NDST4: variants seen among roughly 807,000 people sequenced by gnomAD.
NDST4 encodes N-deacetylase and N-sulfotransferase 4, also known as N-heparan sulfate sulfotransferase 4.
In NDST4, 63 loss-of-function variants were observed where a neutral mutation model predicts 100.8. The ratio of observed to expected loss-of-function variants is 0.62; its 90% confidence interval spans 0.51 to 0.77. The LOEUF is 0.77. Ranked by LOEUF, NDST4 falls within the 30% of genes least tolerant of loss-of-function variation. NDST4 has a pLI of 0.00. For synonymous variants in NDST4, 377 were observed against 361.8 expected (o/e 1.04, Z -0.48); for missense variants, 943 against 1,018.4 (o/e 0.93, Z 1.01).
chr4:114,924,665 A>G (rs959217605), intron 6 of NDST4, among the ~76,000 whole-genome samples: 8 of 152,104 alleles, frequency 5.3e-5, no homozygotes, highest in African/African-American at 1.9e-4. Context: ...GTTAATTTCT[A>G]TAAAAATAAA....
At chr4:115,108,984 CAA>C (rs760810881) in intron 1 of NDST4, among the ~76,000 whole-genome samples, 3 of 132,222 alleles carry the variant, frequency 2.3e-5, no homozygotes, top group African/African-American at 8.5e-5. Context: ...GGAAAAAAGA[CAA>C]GAGGAAGGTA....
intron 2 of NDST4, among the ~76,000 whole-genome samples, chr4:115,044,668 C>T (rs1728427253): frequency 7.0e-6 from 1 of 142,780 alleles, no homozygotes; most frequent in Non-Finnish European, 1.5e-5. Context: ...TGTTAGGAAA[C>T]AAGACACCAT....
intron 4 of NDST4, among the ~76,000 whole-genome samples, chr4:114,943,840 G>C (rs989759180): frequency 6.6e-6 from 1 of 152,034 alleles, no homozygotes; most frequent in Non-Finnish European, 1.5e-5. Flanking sequence ...AAATAGTTGG[G>C]GGGAATAGAT....
chr4:114,993,330 T>C (rs908078519), intron 2 of NDST4, among the ~76,000 whole-genome samples: 2 of 151,916 alleles, frequency 1.3e-5, no homozygotes, highest in South Asian at 4.1e-4. Context: ...TTTCTTCATG[T>C]ATCTGTAAGA....
intron 6 of NDST4, among the ~76,000 whole-genome samples, chr4:114,933,456 T>TTTTTTTTTTTTTTTTTTTTA (rs1337610741): frequency 7.5e-6 from 1 of 133,332 alleles, no homozygotes; most frequent in Non-Finnish European, 1.6e-5. Context: ...TTTTTTTTTG[T>TTTTTTTTTTTTTTTTTTTTA]GTGTAAAAAC....
At chr4:114,889,849 C>A (rs1724556995) in intron 6 of NDST4, among the ~76,000 whole-genome samples, 1 of 152,042 alleles carries the variant, frequency 6.6e-6, no homozygotes, top group African/African-American at 2.4e-5. Context: ...TCAGAGACTC[C>A]ATCTGTAAAC....
chr4:114,867,665 C>CAAAAAAAAAAAAAAAAAAACAA, intron 7 of NDST4, among the ~76,000 whole-genome samples: 2 of 79,900 alleles, frequency 2.5e-5, no homozygotes, highest in African/African-American at 9.8e-5. Flanking sequence ...AAAAAAAAAG[C>CAAAAAAAAAAAAAAAAAAACAA]AAAAAAAAAA....
chr4:114,905,888 A>T (rs559966093), intron 6 of NDST4, among the ~76,000 whole-genome samples: 1 of 151,758 alleles, frequency 6.6e-6, no homozygotes, highest in South Asian at 2.1e-4. Flanking sequence ...AGGTAACTGA[A>T]TTTTTTTTGC....
At chr4:115,091,587 A>T (rs900073185) in intron 1 of NDST4, among the ~76,000 whole-genome samples, 11 of 152,132 alleles carry the variant, frequency 7.2e-5, no homozygotes, top group African/African-American at 2.7e-4. Context: ...CTTTCTGGAT[A>T]CCAACTTCTA....
intron 4 of NDST4, among the ~76,000 whole-genome samples, chr4:114,944,822 C>T (rs189872724): frequency 3.2e-3 from 482 of 152,174 alleles, no homozygotes; most frequent in African/African-American, 0.011. Context: ...GTAGAAGAAA[C>T]GATAGGTGAG....
At chr4:114,932,560 T>A (rs1312232048) in intron 6 of NDST4, among the ~76,000 whole-genome samples, 5 of 152,012 alleles carry the variant, frequency 3.3e-5, no homozygotes, top group African/African-American at 1.2e-4. Flanking sequence ...TTAAATTGTT[T>A]CTGTTTGCAG....
intron 2 of NDST4, among the ~76,000 whole-genome samples, chr4:114,990,944 T>C (rs536861548): frequency 1.3e-5 from 2 of 152,182 alleles, no homozygotes; most frequent in East Asian, 1.9e-4. Context: ...TCAACTCTTA[T>C]TGCTCTAAGG....
chr4:115,072,996 T>C (rs747710382), intron 2 of NDST4, among the ~76,000 whole-genome samples: 1 of 151,858 alleles, frequency 6.6e-6, no homozygotes, highest in Non-Finnish European at 1.5e-5. Flanking sequence ...AAATAACTCA[T>C]CTTAAAAATG....
chr4:114,987,560 T>C (rs1726941142), intron 2 of NDST4, among the ~76,000 whole-genome samples: 1 of 152,184 alleles, frequency 6.6e-6, no homozygotes, highest in Non-Finnish European at 1.5e-5. Flanking sequence ...CAGAAATCTT[T>C]ACCACAGACA....
At chr4:114,832,659 T>G (rs1290004979) in intron 12 of NDST4, among the ~76,000 whole-genome samples, 1 of 152,114 alleles carries the variant, frequency 6.6e-6, no homozygotes, top group Non-Finnish European at 1.5e-5. Flanking sequence ...TGCAGTCTTG[T>G]TTTTCTCCCC....
At chr4:114,833,072 C>A (rs1723236238) in intron 12 of NDST4, among the ~76,000 whole-genome samples, 1 of 152,082 alleles carries the variant, frequency 6.6e-6, no homozygotes, top group African/African-American at 2.4e-5. Context: ...ATTCCATGAG[C>A]ATAATAAAAT....
intron 2 of NDST4, among the ~76,000 whole-genome samples, chr4:115,004,549 C>G (rs903484634): frequency 2.1e-4 from 32 of 152,110 alleles, no homozygotes; most frequent in African/African-American, 7.7e-4. Context: ...AAAAGCAAAT[C>G]TATTTGTCAT....
At chr4:115,017,102 A>G (rs1727695691) in intron 2 of NDST4, among the ~76,000 whole-genome samples, 1 of 151,988 alleles carries the variant, frequency 6.6e-6, no homozygotes, top group East Asian at 1.9e-4. Flanking sequence ...TTGTTCAATT[A>G]GTTACTTGAT....
chr4:115,032,443 T>C (rs528168139), intron 2 of NDST4, among the ~76,000 whole-genome samples: 6 of 152,138 alleles, frequency 3.9e-5, no homozygotes, highest in Non-Finnish European at 8.8e-5. Context: ...GGTTACTCTA[T>C]GTAACTAGAC....
Sources: allele counts gnomAD v4.1 joint callset (sites outside exome capture counted in the v4.1 genomes callset), GRCh38; gene constraint gnomAD v4.1.1; transcripts MANE v1.5; gene names NCBI Gene and HGNC (gene_info 2026-07-23, HGNC 2026-07-21).